Variants in TESK2 observed in about 807,000 individuals in gnomAD.
TESK2 encodes dual specificity testis-specific protein kinase 2.
A neutral mutation model predicts 57.1 loss-of-function variants in TESK2; 39 were observed. The observed-to-expected ratio is 0.68, with a 90% CI of 0.53 to 0.89. The LOEUF is 0.89. TESK2 is among the 40% of genes least tolerant of loss of function. The pLI is 0.00. For missense variants in TESK2, 646 were observed against 732.1 expected (o/e 0.88, Z 1.36); for synonymous variants, 249 against 267.9 (o/e 0.93, Z 0.69).
chr1:45,393,109 C>T (rs189577038), intron 3 of TESK2, among the ~76,000 whole-genome samples: 1 of 152,234 alleles, frequency 6.6e-6, no homozygotes, highest in Non-Finnish European at 1.5e-5. Context: ...ACAATGGCTA[C>T]ATTTTAAAAT....
chr1:45,421,622 A>T (rs190682176), intron 3 of TESK2, 103 bp downstream of exon 3: 1 of 1,491,066 alleles, frequency 6.7e-7, no homozygotes, highest in Non-Finnish European at 9.1e-7. Flanking sequence ...TAGATTCAGC[A>T]TGATAAATCC....
chr1:45,383,444 T>C (rs1172439088), intron 4 of TESK2, among the ~76,000 whole-genome samples: 1 of 152,188 alleles, frequency 6.6e-6, no homozygotes, highest in East Asian at 1.9e-4. Context: ...ATCTCATTAA[T>C]GCTGCTGGAA....
At chr1:45,445,740 A>G (rs1360785149) in intron 2 of TESK2, among the ~76,000 whole-genome samples, 1 of 152,068 alleles carries the variant, frequency 6.6e-6, no homozygotes, top group South Asian at 2.1e-4. Context: ...GGCCACACTA[A>G]GCCATGATCA....
chr1:45,422,998 G>A (rs1305489233), intron 2 of TESK2, among the ~76,000 whole-genome samples: 2 of 151,874 alleles, frequency 1.3e-5, no homozygotes, highest in Non-Finnish European at 2.9e-5. Context: ...TCGAACTCCT[G>A]ACCTTGTGAT....
chr1:45,353,949 T>C lies in TESK2; in HGVS notation c.540+1354A>G, dbSNP rs189433714. ...GAGGAACTGGCAGGGCAGCAGAAAC[T>C]CAATCACACAGGCAGAAAATGGGTC... On this transcript the variant is annotated intron_variant, in intron 5 of 10. Transcript: ENST00000372086. Among the ~76,000 whole-genome samples, 15 of 152,200 alleles carry C rather than the reference T, an allele frequency of 9.9e-5. No homozygotes were observed. The East Asian group carries it at 2.9e-3, about 29-fold the overall frequency.
At chr1:45,366,503 C>A (rs572853869) in intron 4 of TESK2, among the ~76,000 whole-genome samples, 1 of 152,216 alleles carries the variant, frequency 6.6e-6, no homozygotes, top group Admixed American at 6.5e-5. Flanking sequence ...GAGGCTGAGG[C>A]AGGAGTATTG....
At chr1:45,377,181 CTG>C (rs1648462876) in intron 4 of TESK2, among the ~76,000 whole-genome samples, 1 of 151,568 alleles carries the variant, frequency 6.6e-6, no homozygotes, top group South Asian at 2.1e-4. Flanking sequence ...GATGGTGCCA[CTG>C]TATTCCATCT....
intron 2 of TESK2, among the ~76,000 whole-genome samples, chr1:45,437,724 T>C (rs1651288635): frequency 2.6e-5 from 4 of 152,218 alleles, no homozygotes; most frequent in African/African-American, 4.8e-5. Flanking sequence ...GTTCTGTCTA[T>C]GACTAGTTTG....
At chr1:45,348,813 A>G (rs1647190762) in intron 5 of TESK2, among the ~76,000 whole-genome samples, 1 of 152,120 alleles carries the variant, frequency 6.6e-6, no homozygotes, top group Non-Finnish European at 1.5e-5. Flanking sequence ...CTTACAGTCT[A>G]GCAGAAAAGC....
chr1:45,371,123 G>C (rs1648160768), intron 4 of TESK2, among the ~76,000 whole-genome samples: 1 of 151,400 alleles, frequency 6.6e-6, no homozygotes, highest in Non-Finnish European at 1.5e-5. Flanking sequence ...GTGAGGATGT[G>C]GAGAAACTGG....
At chr1:45,357,575 GA>G (rs1427561222) in intron 4 of TESK2, among the ~76,000 whole-genome samples, 8 of 147,750 alleles carry the variant, frequency 5.4e-5, no homozygotes, top group South Asian at 2.1e-4. Context: ...AAAAAAAAAA[GA>G]AAAAAAAGTG....
At chr1:45,395,725 C>T (rs556356597) in intron 3 of TESK2, among the ~76,000 whole-genome samples, 1 of 150,384 alleles carries the variant, frequency 6.6e-6, no homozygotes, top group Non-Finnish European at 1.5e-5. Flanking sequence ...TTCTGCCTCA[C>T]CCTCCCAAAT....
chr1:45,346,026 C>T (rs1647139332), intron 9 of TESK2, 32 bp from the exon 10 acceptor site: 1 of 1,472,542 alleles, frequency 6.8e-7, no homozygotes. Flanking sequence ...ATGAGCTCTG[C>T]CCTCCATCTC....
In TESK2 at chr1:45,457,679, C is replaced by T; in HGVS notation, c.107G>A (p.Gly36Glu). ...TCGATACGAAGATGGCCAAACTCTT[C>T]CCACCTGGCTCACATTTCCTTCTCC... ...GGGEGNVSQVGRVWPSSYRAL... is the reference protein window; with the variant it reads ...GGGEGNVSQVERVWPSSYRAL... Residue 36 changes from glycine (G) to glutamate (E), a missense_variant, in exon 2 of 11, where the codon GGA becomes GAA. Coordinates refer to ENST00000372086, the MANE Select transcript of TESK2 (RefSeq NM_007170.3). 2 of 1,614,160 alleles carry T rather than the reference C, an allele frequency of 1.2e-6. No individual in the cohort carries two copies. Among genetic ancestry groups the T allele is most frequent in the Non-Finnish European group, 1.7e-6 (2 of 1,180,028 alleles).
At chr1:45,444,435 T>C (rs2149295111) in intron 2 of TESK2, among the ~76,000 whole-genome samples, 1 of 152,336 alleles carries the variant, frequency 6.6e-6, no homozygotes, top group South Asian at 2.1e-4. Context: ...CTAGCTTTCT[T>C]CTATTTTGTA....
intron 4 of TESK2, among the ~76,000 whole-genome samples, chr1:45,359,855 C>G (rs1293762826): frequency 1.3e-5 from 2 of 152,098 alleles, no homozygotes; most frequent in Non-Finnish European, 2.9e-5. Flanking sequence ...CAGGGTGAGA[C>G]TCTGTCTCAA....
At chr1:45,435,623 CTTT>C (rs548276799) in intron 2 of TESK2, among the ~76,000 whole-genome samples, 12 of 69,170 alleles carry the variant, frequency 1.7e-4, no homozygotes, top group Admixed American at 2.0e-4. Context: ...GCTCAGTATT[CTTT>C]TTTTTTTTTT....
At chr1:45,355,717 C>T (rs1351082489) in intron 4 of TESK2, among the ~76,000 whole-genome samples, 1 of 152,038 alleles carries the variant, frequency 6.6e-6, no homozygotes, top group South Asian at 2.1e-4. Context: ...CAACACCATG[C>T]AGCAACAAGG....
At chr1:45,439,922 C>T (rs1651370807) in intron 2 of TESK2, among the ~76,000 whole-genome samples, 1 of 151,778 alleles carries the variant, frequency 6.6e-6, no homozygotes, top group African/African-American at 2.4e-5. Context: ...TGTGCCACTG[C>T]ACTCCAGCCT....
Sources: allele counts gnomAD v4.1 joint callset (sites outside exome capture counted in the v4.1 genomes callset), GRCh38; gene constraint gnomAD v4.1.1; transcripts MANE v1.5; gene names NCBI Gene and HGNC (gene_info 2026-07-23, HGNC 2026-07-21).